KCND2: variants seen among roughly 807,000 people sequenced by gnomAD.
KCND2 encodes A-type voltage-gated potassium channel KCND2.
Under a neutral mutation model 54.4 loss-of-function variants are expected in KCND2, and 16 were observed. The observed-to-expected ratio is 0.29, with a 90% CI of 0.20 to 0.45. The LOEUF is 0.45. KCND2 is among the 20% of genes least tolerant of loss of function. The pLI is 1.00. For missense variants in KCND2, 486 were observed against 824.2 expected (o/e 0.59, Z 5.02); for synonymous variants, 317 against 310.7 (o/e 1.02, Z -0.21).
At chr7:120,663,239 A>G (rs1791887258) in intron 1 of KCND2, among the ~76,000 whole-genome samples, 1 of 152,190 alleles carries the variant, frequency 6.6e-6, no homozygotes, top group Admixed American at 6.5e-5. Context: ...TAGATTAACA[A>G]CAACAACAAC....
intron 1 of KCND2, among the ~76,000 whole-genome samples, chr7:120,441,623 T>C (rs146522432): frequency 1.3e-3 from 197 of 152,200 alleles, no homozygotes; most frequent in Non-Finnish European, 2.4e-3. Flanking sequence ...AAATGGGACA[T>C]AGAAAACTCT....
At chr7:120,384,824 G>A (rs1053604853) in intron 1 of KCND2, among the ~76,000 whole-genome samples, 1 of 152,048 alleles carries the variant, frequency 6.6e-6, no homozygotes. Context: ...TGCTGAGAAG[G>A]CTGGAAACAG....
Position 120,274,453 on chromosome 7 carries a change from A to T in KCND2, c.-180A>T. 1.4e-6 allele frequency: 1 copy of T among 712,818 alleles called. No homozygotes were observed. The highest frequency in any genetic ancestry group is 2.5e-6 in the Non-Finnish European group (1 of 398,526). 44.2% of individuals were successfully genotyped at this position (712,818 alleles called of 1,614,324 possible). A position where few individuals can be genotyped will look rare whatever the true frequency, so the allele number is the denominator to read the frequency against. ...ATTCCAAATACCTGTCTTGGAGGGA[A>T]AGTTGCCCTTCTGAGAACTGTGACT... On this transcript the variant is annotated 5_prime_UTR_variant, in exon 1 of 6. Coordinates refer to ENST00000331113, the MANE Select transcript of KCND2 (RefSeq NM_012281.3).
At chr7:120,330,244 A>T (rs1333859940) in intron 1 of KCND2, among the ~76,000 whole-genome samples, 1 of 152,114 alleles carries the variant, frequency 6.6e-6, no homozygotes, top group Admixed American at 6.5e-5. Context: ...GAGGAAAAAA[A>T]ATGAACTAAT....
chr7:120,559,983 T>A (rs554219209), intron 1 of KCND2, among the ~76,000 whole-genome samples: 1 of 152,206 alleles, frequency 6.6e-6, no homozygotes, highest in Admixed American at 6.5e-5. Context: ...GATGATTTCA[T>A]GTTGTATTCA....
intron 1 of KCND2, among the ~76,000 whole-genome samples, chr7:120,535,972 A>C (rs747147905): frequency 1.1e-4 from 17 of 152,172 alleles, no homozygotes; most frequent in Non-Finnish European, 2.1e-4. Context: ...TCTTTTATTC[A>C]GTCTCCTGCT....
At chr7:120,382,726 G>T (rs1401968284) in intron 1 of KCND2, among the ~76,000 whole-genome samples, 1 of 151,718 alleles carries the variant, frequency 6.6e-6, no homozygotes, top group African/African-American at 2.4e-5. Flanking sequence ...AGTCACAATA[G>T]AATTTTACTA....
At chr7:120,615,994 A>C (rs901849132) in intron 1 of KCND2, among the ~76,000 whole-genome samples, 3 of 152,166 alleles carry the variant, frequency 2.0e-5, no homozygotes, top group East Asian at 3.9e-4. Flanking sequence ...TTTATCCTTC[A>C]CTAGACTATG....
rs1437143379 is a variant in KCND2, at chr7:120,352,468, AC to A, written c.1115+76722del. ...TATATACACACATACATACACACAC[AC>A]ACACACACACACACACACACACACA... On this transcript the variant is annotated intron_variant, in intron 1 of 5. Transcript: ENST00000331113. Among the ~76,000 whole-genome samples the A allele has an allele frequency of 2.1e-3, 282 of 135,844 alleles. 1 individual carries two copies. Among genetic ancestry groups the A allele is most frequent in the Non-Finnish European group, 2.2e-3 (131 of 59,250 alleles). 89.1% of individuals were successfully genotyped at this position (135,844 alleles called of 152,430 possible).
chr7:120,500,428 TG>T (rs1802914766), intron 1 of KCND2, among the ~76,000 whole-genome samples: 1 of 152,204 alleles, frequency 6.6e-6, no homozygotes, highest in South Asian at 2.1e-4. Flanking sequence ...CAGTGTGTTT[TG>T]GGGGATAATC....
At chr7:120,552,894 T>C (rs568623966) in intron 1 of KCND2, among the ~76,000 whole-genome samples, 5 of 152,324 alleles carry the variant, frequency 3.3e-5, no homozygotes, top group African/African-American at 1.2e-4. Context: ...TTGTAATTTT[T>C]TCCCAGCTTT....
intron 1 of KCND2, among the ~76,000 whole-genome samples, chr7:120,354,348 A>G (rs1410223627): frequency 6.6e-6 from 1 of 152,218 alleles, no homozygotes; most frequent in Non-Finnish European, 1.5e-5. Context: ...ACTTGTCAAC[A>G]TTTCAAAAAT....
intron 2 of KCND2, among the ~76,000 whole-genome samples, chr7:120,734,690 T>C (rs1792849139): frequency 6.6e-6 from 1 of 152,188 alleles, no homozygotes; most frequent in Non-Finnish European, 1.5e-5. Flanking sequence ...TATGGCACTG[T>C]ATTTCCAGTG....
intron 1 of KCND2, among the ~76,000 whole-genome samples, chr7:120,403,353 G>A (rs1021878876): frequency 6.6e-6 from 1 of 151,254 alleles, no homozygotes; most frequent in Non-Finnish European, 1.5e-5. Context: ...GTCTCCCTCG[G>A]TCACCCAGGC....
intron 1 of KCND2, among the ~76,000 whole-genome samples, chr7:120,344,679 A>G (rs895367709): frequency 5.9e-5 from 9 of 152,214 alleles, no homozygotes; most frequent in Admixed American, 5.9e-4. Flanking sequence ...AAAGAAAAAT[A>G]AAATTATGCT....
At chr7:120,539,461 A>G (rs1475405720) in intron 1 of KCND2, among the ~76,000 whole-genome samples, 1 of 152,176 alleles carries the variant, frequency 6.6e-6, no homozygotes, top group Non-Finnish European at 1.5e-5. Context: ...TGAGCCTGCC[A>G]GAACAGTGCT....
chr7:120,375,759 GTGTTGTAA>G (rs1800827865), intron 1 of KCND2, among the ~76,000 whole-genome samples: 1 of 151,698 alleles, frequency 6.6e-6, no homozygotes, highest in African/African-American at 2.4e-5. Context: ...ATTTGCGTGG[GTGTTGTAA>G]TGATTATGAT....
At chr7:120,467,210 G>C (rs1802383357) in intron 1 of KCND2, among the ~76,000 whole-genome samples, 1 of 152,074 alleles carries the variant, frequency 6.6e-6, no homozygotes, top group African/African-American at 2.4e-5. Context: ...GAATAATATA[G>C]GTCAGAGACA....
chr7:120,393,076 C>G (rs1801101396), intron 1 of KCND2, among the ~76,000 whole-genome samples: 1 of 151,998 alleles, frequency 6.6e-6, no homozygotes, highest in Admixed American at 6.6e-5. Flanking sequence ...GATAGCCTCA[C>G]TGTCTCTTCT....
Sources: allele counts gnomAD v4.1 joint callset (sites outside exome capture counted in the v4.1 genomes callset), GRCh38; gene constraint gnomAD v4.1.1; transcripts MANE v1.5; gene names NCBI Gene and HGNC (gene_info 2026-07-23, HGNC 2026-07-21).